ST6GALNAC3: variants seen among roughly 807,000 people sequenced by gnomAD.
ST6GALNAC3 encodes ST6 N-acetylgalactosaminide alpha-2,6-sialyltransferase 3.
Under a neutral mutation model 32.7 loss-of-function variants are expected in ST6GALNAC3, and 25 were observed. The ratio of observed to expected loss-of-function variants is 0.76; its 90% confidence interval spans 0.56 to 1.07. The LOEUF is 1.07. Ranked by LOEUF, ST6GALNAC3 falls within the 50% of genes least tolerant of loss-of-function variation. The pLI, the probability that ST6GALNAC3 is intolerant of heterozygous loss-of-function variation, is 0.00. For missense variants in ST6GALNAC3, 355 were observed against 382.4 expected, an observed-to-expected ratio of 0.93 and a Z score of 0.60; for synonymous variants, 129 against 133.1, an observed-to-expected ratio of 0.97 and a Z score of 0.21.
chr1:76,508,103 T>C (rs1661591457), intron 3 of ST6GALNAC3, among the ~76,000 whole-genome samples: 1 of 152,146 alleles, frequency 6.6e-6, no homozygotes, highest in Non-Finnish European at 1.5e-5. Flanking sequence ...TCGCCTTAGA[T>C]CAGCGGTTTC....
chr1:76,075,840 A>T (rs760715070), intron 1 of ST6GALNAC3, among the ~76,000 whole-genome samples: 1 of 152,178 alleles, frequency 6.6e-6, no homozygotes, highest in African/African-American at 2.4e-5. Flanking sequence ...GCCTGGGGGA[A>T]CTGTGTGACG....
intron 3 of ST6GALNAC3, among the ~76,000 whole-genome samples, chr1:76,585,759 A>G (rs1344879774): frequency 6.6e-6 from 1 of 152,186 alleles, no homozygotes; most frequent in African/African-American, 2.4e-5. Flanking sequence ...AGAAATACAT[A>G]GCTCTCTACC....
chr1:76,574,332 G>A (rs981334239), intron 3 of ST6GALNAC3, among the ~76,000 whole-genome samples: 2 of 151,966 alleles, frequency 1.3e-5, no homozygotes, highest in Non-Finnish European at 2.9e-5. Context: ...AATTATTTAA[G>A]TCTGCATGTA....
At chr1:76,341,983 G>C (rs1648077239) in intron 2 of ST6GALNAC3, among the ~76,000 whole-genome samples, 1 of 151,912 alleles carries the variant, frequency 6.6e-6, no homozygotes, top group African/African-American at 2.4e-5. Flanking sequence ...TCCTGTGTTA[G>C]TTTGCTGAGA....
At chr1:76,232,835 G>GA (rs918133035) in intron 1 of ST6GALNAC3, among the ~76,000 whole-genome samples, 2 of 152,236 alleles carry the variant, frequency 1.3e-5, no homozygotes, top group Non-Finnish European at 2.9e-5. Context: ...GTCAAGTAGA[G>GA]ATAGACCGAG....
intron 1 of ST6GALNAC3, among the ~76,000 whole-genome samples, chr1:76,114,015 G>C (rs1236468129): frequency 8.0e-6 from 1 of 124,914 alleles, no homozygotes; most frequent in African/African-American, 3.8e-5. Context: ...TTTTTTTTTG[G>C]TATTTTTAGT....
At chr1:76,606,746 A>C (rs1343988843) in intron 3 of ST6GALNAC3, among the ~76,000 whole-genome samples, 1 of 152,146 alleles carries the variant, frequency 6.6e-6, no homozygotes, top group East Asian at 1.9e-4. Flanking sequence ...GTGAAAAAAA[A>C]AAGAAAAAAA....
downstream of ST6GALNAC3, among the ~76,000 whole-genome samples, chr1:76,635,784 C>G (rs182693171): frequency 2.0e-5 from 3 of 152,210 alleles, no homozygotes; most frequent in East Asian, 5.8e-4. Context: ...TCTATTCGGC[C>G]TGCTAAAAGG....
chr1:76,496,686 G>C (rs1403912822), intron 3 of ST6GALNAC3, among the ~76,000 whole-genome samples: 3 of 152,128 alleles, frequency 2.0e-5, no homozygotes, highest in Non-Finnish European at 4.4e-5. Context: ...CTTTCCTGTG[G>C]AGTAAGAGGT....
chr1:76,151,987 A>G (rs144987040), intron 1 of ST6GALNAC3, among the ~76,000 whole-genome samples: 1 of 152,278 alleles, frequency 6.6e-6, no homozygotes, highest in Non-Finnish European at 1.5e-5. Flanking sequence ...CTTAAGGCAG[A>G]AATTTAAATT....
intron 3 of ST6GALNAC3, among the ~76,000 whole-genome samples, chr1:76,529,639 T>C (rs1663130025): frequency 6.6e-6 from 1 of 152,196 alleles, no homozygotes; most frequent in Admixed American, 6.6e-5. Context: ...TGTATGCAAC[T>C]TTGAGTAATA....
chr1:76,597,357 T>TGGGATC (rs972572494), intron 3 of ST6GALNAC3, among the ~76,000 whole-genome samples: 2 of 152,098 alleles, frequency 1.3e-5, no homozygotes, highest in African/African-American at 4.8e-5. Context: ...CCCTTGTTAG[T>TGGGATC]GGGATCTACA....
chr1:76,080,295 A>G (rs1401011778), intron 1 of ST6GALNAC3, among the ~76,000 whole-genome samples: 1 of 143,814 alleles, frequency 7.0e-6, no homozygotes, highest in East Asian at 1.9e-4. Context: ...TGGTGTTATT[A>G]ATTTTTTTTT....
Position 76,179,386 on chromosome 1 carries a change from T to A in ST6GALNAC3, c.18+104502T>A, listed in dbSNP as rs114836616. ...TCACACCCCATGTTAAAATAGTGAA[T>A]CCCTTAACATATGTAAAGAAGCCAT... is the stretch of plus-strand genomic sequence containing the variant. On this transcript the variant is annotated intron_variant, in intron 1 of 4. Transcript: ENST00000328299. Among the ~76,000 whole-genome samples the A allele has an allele frequency of 3.8e-3, 584 of 152,256 alleles. 5 individuals carry two copies. Among genetic ancestry groups the A allele is most frequent in the African/African-American group, 0.013 (536 of 41,552 alleles).
chr1:76,267,191 T>C (rs867432019), intron 1 of ST6GALNAC3, among the ~76,000 whole-genome samples: 43 of 152,314 alleles, frequency 2.8e-4, no homozygotes, highest in Middle Eastern at 3.4e-3. Flanking sequence ...TGATCCGCAA[T>C]TATGAATCTC....
chr1:76,356,590 C>A (rs539412945), intron 2 of ST6GALNAC3, among the ~76,000 whole-genome samples: 1 of 152,054 alleles, frequency 6.6e-6, no homozygotes, highest in African/African-American at 2.4e-5. Flanking sequence ...GCAGTGAGAC[C>A]TAGGGTGGAC....
chr1:76,483,447 G>T (rs1659874698), intron 3 of ST6GALNAC3, among the ~76,000 whole-genome samples: 1 of 152,086 alleles, frequency 6.6e-6, no homozygotes, highest in African/African-American at 2.4e-5. Flanking sequence ...TCTCATTGTG[G>T]CTTTGATTTA....
intron 1 of ST6GALNAC3, among the ~76,000 whole-genome samples, chr1:76,237,468 C>G (rs1656722711): frequency 6.6e-6 from 1 of 152,106 alleles, no homozygotes; most frequent in African/African-American, 2.4e-5. Context: ...TTTAGCTAAG[C>G]CTTTAGGTTC....
chr1:76,520,904 TTTTG>T (rs1189630425), intron 3 of ST6GALNAC3, among the ~76,000 whole-genome samples: 1 of 152,182 alleles, frequency 6.6e-6, no homozygotes, highest in Non-Finnish European at 1.5e-5. Flanking sequence ...ACTTGAATTA[TTTTG>T]TTTGTTAATG....
Sources: allele counts gnomAD v4.1 joint callset (sites outside exome capture counted in the v4.1 genomes callset), GRCh38; gene constraint gnomAD v4.1.1; transcripts MANE v1.5; gene names NCBI Gene and HGNC (gene_info 2026-07-23, HGNC 2026-07-21).